ZBTB20: variants seen among roughly 807,000 people sequenced by gnomAD.
ZBTB20 encodes the protein zinc finger and BTB domain-containing protein 20.
Under a neutral mutation model 56.9 loss-of-function variants are expected in ZBTB20, and 9 were observed. That is an observed-to-expected ratio of 0.16 (90% CI 0.10 to 0.28). The LOEUF is 0.28. Among genes scored for constraint, ZBTB20 ranks in the 10% least tolerant of loss-of-function variants. The pLI, the probability that ZBTB20 is intolerant of heterozygous loss-of-function variation, is 1.00. For missense variants in ZBTB20, 655 were observed against 1,003.0 expected, an observed-to-expected ratio of 0.65 and a Z score of 4.69; for synonymous variants, 417 against 420.7, an observed-to-expected ratio of 0.99 and a Z score of 0.11.
chr3:114,891,296 T>A (rs1006284337), intron 4 of ZBTB20, among the ~76,000 whole-genome samples: 4 of 152,184 alleles, frequency 2.6e-5, no homozygotes, highest in Non-Finnish European at 4.4e-5. Flanking sequence ...TTAAAAAAAA[T>A]GTTTGTAGCA....
Position 114,321,177 on chromosome 3 carries a change from A to G in ZBTB20, c.*17828T>C, listed in dbSNP as rs2078880718. 6.6e-6 allele frequency: 1 copy of G among 152,232 alleles called. No individual in the cohort carries two copies. The allele number at this position is 152,232 out of a possible 1,614,324, so 9.4% of individuals were successfully genotyped here. On this transcript the variant is annotated 3_prime_UTR_variant, in exon 12 of 12. Transcript: ENST00000675478. ...TGATAAAGAGAGAAACCAAGGAACCAAATGACTTTTCTAGTAACATATAAT... is the reference window on the plus strand; with the variant it reads ...TGATAAAGAGAGAAACCAAGGAACCGAATGACTTTTCTAGTAACATATAAT...
chr3:114,386,945 G>A (rs758801363), intron 8 of ZBTB20, among the ~76,000 whole-genome samples: 6 of 152,140 alleles, frequency 3.9e-5, no homozygotes, highest in Non-Finnish European at 4.4e-5. Context: ...CTGCTCAGCC[G>A]AGCAGGGATT....
At chr3:114,802,969 T>G (rs1407697153) in intron 4 of ZBTB20, among the ~76,000 whole-genome samples, 1 of 151,884 alleles carries the variant, frequency 6.6e-6, no homozygotes, top group Non-Finnish European at 1.5e-5. Flanking sequence ...TTGAATGAAT[T>G]GAACTATCAG....
intron 1 of ZBTB20, among the ~76,000 whole-genome samples, chr3:115,140,020 T>C (rs944497292): frequency 6.6e-6 from 1 of 152,066 alleles, no homozygotes; most frequent in Non-Finnish European, 1.5e-5. Flanking sequence ...TTACATATAC[T>C]GTTTCTAGGT....
At chr3:115,058,303 G>C (rs545851339) in intron 2 of ZBTB20, among the ~76,000 whole-genome samples, 1 of 151,698 alleles carries the variant, frequency 6.6e-6, no homozygotes, top group African/African-American at 2.4e-5. Flanking sequence ...TCTCTTTCTG[G>C]GATTTTCTTG....
chr3:114,538,927 C>G (rs924115687), intron 6 of ZBTB20, among the ~76,000 whole-genome samples: 1 of 152,148 alleles, frequency 6.6e-6, no homozygotes, highest in Non-Finnish European at 1.5e-5. Context: ...TAGAACTCAT[C>G]GGGGGTTGGC....
chr3:115,045,290 A>T (rs1042195868), intron 2 of ZBTB20, among the ~76,000 whole-genome samples: 9 of 152,202 alleles, frequency 5.9e-5, no homozygotes, highest in Admixed American at 2.6e-4. Context: ...TTATATCTGC[A>T]TATAAACATA....
At chr3:114,595,237 A>G (rs2056207647) in intron 6 of ZBTB20, among the ~76,000 whole-genome samples, 1 of 152,234 alleles carries the variant, frequency 6.6e-6, no homozygotes, top group African/African-American at 2.4e-5. Context: ...TTCTATAAAT[A>G]TGACATAATA....
intron 1 of ZBTB20, among the ~76,000 whole-genome samples, chr3:115,133,336 A>G (rs1309585442): frequency 1.3e-5 from 2 of 152,080 alleles, no homozygotes; most frequent in Non-Finnish European, 2.9e-5. Flanking sequence ...TTCATTTCTA[A>G]TTGTGTACTT....
intron 1 of ZBTB20, among the ~76,000 whole-genome samples, chr3:115,122,313 A>AT (rs976844842): frequency 5.3e-5 from 8 of 151,438 alleles, no homozygotes; most frequent in Admixed American, 2.0e-4. Context: ...AAATACCAAG[A>AT]TTTTTTTTTC....
At chr3:114,793,411 T>G (rs180980688) in intron 5 of ZBTB20, among the ~76,000 whole-genome samples, 4 of 152,270 alleles carry the variant, frequency 2.6e-5, no homozygotes, top group Non-Finnish European at 5.9e-5. Flanking sequence ...ATTGGAACGA[T>G]TATATGTGAT....
chr3:114,601,703 C>G (rs2056770840), intron 6 of ZBTB20, among the ~76,000 whole-genome samples: 1 of 151,842 alleles, frequency 6.6e-6, no homozygotes, highest in Non-Finnish European at 1.5e-5. Context: ...ATGTTTTAAA[C>G]TAGGTATTGA....
intron 7 of ZBTB20, among the ~76,000 whole-genome samples, chr3:114,390,670 G>C (rs1303337299): frequency 1.3e-5 from 2 of 152,166 alleles, no homozygotes; most frequent in Non-Finnish European, 2.9e-5. Flanking sequence ...GCTATCTTTA[G>C]TTCTAGCTTT....
intron 5 of ZBTB20, among the ~76,000 whole-genome samples, chr3:114,706,294 A>G (rs1247794822): frequency 6.6e-6 from 1 of 152,172 alleles, no homozygotes; most frequent in South Asian, 2.1e-4. Context: ...GGGGGCATTA[A>G]ATATTAATTA....
intron 7 of ZBTB20, among the ~76,000 whole-genome samples, chr3:114,395,459 G>T (rs2086252866): frequency 6.6e-6 from 1 of 152,024 alleles, no homozygotes; most frequent in Admixed American, 6.6e-5. Flanking sequence ...CCCCTGAGAA[G>T]GAAGATGTGG....
At chr3:114,467,472 A>C (rs541572068) in intron 7 of ZBTB20, among the ~76,000 whole-genome samples, 13 of 152,308 alleles carry the variant, frequency 8.5e-5, no homozygotes, top group Middle Eastern at 3.4e-3. Context: ...TGCTTCAAGA[A>C]TTAGAGATAG....
intron 1 of ZBTB20, among the ~76,000 whole-genome samples, chr3:115,078,911 T>A (rs2082696066): frequency 1.3e-5 from 2 of 152,126 alleles, no homozygotes; most frequent in South Asian, 4.1e-4. Flanking sequence ...TAAAAGAATG[T>A]AAAGTGAATA....
chr3:114,859,073 A>G (rs990685789), intron 4 of ZBTB20, among the ~76,000 whole-genome samples: 1 of 152,176 alleles, frequency 6.6e-6, no homozygotes, highest in African/African-American at 2.4e-5. Flanking sequence ...AGGTTGTATG[A>G]TGAGAAAAAA....
At chr3:114,463,053 T>TG (rs1362200869) in intron 7 of ZBTB20, among the ~76,000 whole-genome samples, 1 of 152,232 alleles carries the variant, frequency 6.6e-6, no homozygotes, top group Non-Finnish European at 1.5e-5. Context: ...CATCAGGAGA[T>TG]GCAGCTGCAC....
Sources: gnomAD v4.1 joint callset for allele counts (sites outside exome capture counted in the v4.1 genomes callset) on GRCh38, gnomAD v4.1.1 for gene constraint, MANE v1.5 for transcripts, NCBI Gene and HGNC (gene_info 2026-07-23, HGNC 2026-07-21) for gene names.